DYNC2H1: variants seen among roughly 807,000 people sequenced by gnomAD.
The protein encoded by DYNC2H1 is dynein cytoplasmic 2 heavy chain 1.
A neutral mutation model predicts 570.0 loss-of-function variants in DYNC2H1; 410 were observed. The ratio of observed to expected loss-of-function variants is 0.72; its 90% CI spans 0.66 to 0.78. DYNC2H1 has a LOEUF of 0.78. Among genes scored for constraint, DYNC2H1 ranks in the 30% least tolerant of loss-of-function variants. DYNC2H1 has a pLI of 0.00. For missense variants in DYNC2H1, 4,865 were observed against 5,046.4 expected (o/e 0.96, Z 1.09); for synonymous variants, 1,688 against 1,677.6 (o/e 1.01, Z -0.15).
Position 103,375,018 on chromosome 11 carries a change from G to C in DYNC2H1, c.12156+16659G>C, listed in dbSNP as rs543564411. On this transcript the variant is annotated intron_variant, in intron 83 of 88. Transcript: ENST00000375735. Reference sequence around the variant, plus strand: ...GGCCAGGGGCCTAGGAGAGAAAAATGGTTTCTTGGGCCAGGTCTAAGGCCC... The same window carrying C: ...GGCCAGGGGCCTAGGAGAGAAAAATCGTTTCTTGGGCCAGGTCTAAGGCCC... Among the ~76,000 whole-genome samples the C allele has an allele frequency of 4.6e-5, 7 of 152,294 alleles. No homozygotes were observed. In the South Asian group the frequency reaches 1.4e-3, roughly 32 times the overall value.
rs897509843 is a variant in DYNC2H1 at position 103,151,818 on chromosome 11, G to T, written c.2947-318G>T. On this transcript the variant is annotated intron_variant, in intron 20 of 88. Coordinates refer to ENST00000375735, the MANE Select transcript of DYNC2H1 (RefSeq NM_001377.3). This position sits in a 1 kb window ranked among gnomAD's most constrained non-coding sequence, Gnocchi z 4.6. ...CTTGTGAATGGACCATTTATAATAA[G>T]AACTTTACTTTGATAAACTGTAGTA... Among the ~76,000 whole-genome samples, 1 of 152,014 alleles carries T rather than the reference G, an allele frequency of 6.6e-6. No individual in the cohort carries two copies. Among genetic ancestry groups the T allele is most frequent in the African/African-American group, 2.4e-5 (1 of 41,398 alleles).
intron 83 of DYNC2H1, among the ~76,000 whole-genome samples, chr11:103,362,414 G>C (rs1319061634): frequency 1.6e-5 from 2 of 126,860 alleles, no homozygotes; most frequent in Admixed American, 1.9e-4. Flanking sequence ...ATCTTGCCTT[G>C]CTTTTCTGTC....
In DYNC2H1 at chr11:103,326,179, A is replaced by G. The variant is rs1187402445; in HGVS notation, c.12039+2189A>G. Among the ~76,000 whole-genome samples the G allele has an allele frequency of 6.6e-6, 1 of 152,020 alleles. No individual in the cohort carries two copies. Among genetic ancestry groups the G allele is most frequent in the Non-Finnish European group, 1.5e-5 (1 of 68,000 alleles). ...GTGGCTGGTAGATAGGCTCTTACTT[A>G]GCCCTGTGGTTTTTTTGTTATTTCC... On this transcript the variant is annotated intron_variant, in intron 82 of 88. Transcript: ENST00000375735. The surrounding 1 kb of genome is among the most constrained non-coding windows in gnomAD (Gnocchi z 6.1).
intron 83 of DYNC2H1, among the ~76,000 whole-genome samples, chr11:103,398,190 AAATTTTATTTG>A (rs1450255354): frequency 5.3e-5 from 8 of 152,230 alleles, no homozygotes; most frequent in Non-Finnish European, 7.3e-5. Flanking sequence ...TCTATAAGTC[AAATTTTATTTG>A]AATTTTATTA....
intron 63 of DYNC2H1, among the ~76,000 whole-genome samples, chr11:103,238,337 G>A (rs186168992): frequency 0.012 from 1,794 of 152,220 alleles, 22 homozygotes; most frequent in Middle Eastern, 0.085. Context: ...TGGGAGGCAA[G>A]GCGGGTGGAT....
At chr11:103,210,076 A>G (rs1042776267) in intron 53 of DYNC2H1, 116 bp downstream of exon 53, 3 of 1,193,572 alleles carry the variant, frequency 2.5e-6, no homozygotes, top group African/African-American at 1.6e-5. Flanking sequence ...TGCTAAGTGT[A>G]ACAAAATTAG....
rs1445717597 is a variant in DYNC2H1 at position 103,289,196 on chromosome 11, A to C, written c.11095+1591A>C. Among the ~76,000 whole-genome samples the C allele has an allele frequency of 6.6e-6, 1 of 152,140 alleles. No homozygotes were observed. Among genetic ancestry groups the C allele is most frequent in the Admixed American group, 6.5e-5 (1 of 15,276 alleles). On this transcript the variant is annotated intron_variant, in intron 75 of 88. Transcript: ENST00000375735. The surrounding 1 kb of genome is among the most constrained non-coding windows in gnomAD (Gnocchi z 4.2). ...CCACTTCCTAAGCCCCTACTCACCA[A>C]ATCGTCTTTAAAAACTCTGATCCTG... is the stretch of plus-strand genomic sequence containing the variant.
chr11:103,448,165 T>G (rs1256076875), intron 85 of DYNC2H1, among the ~76,000 whole-genome samples: 3 of 152,132 alleles, frequency 2.0e-5, no homozygotes, highest in Non-Finnish European at 4.4e-5. Flanking sequence ...AATTAGGATA[T>G]TACGTTTAAG....
chr11:103,222,251 C>A, intron 58 of DYNC2H1, 98 bp downstream of exon 58: 3 of 856,846 alleles, frequency 3.5e-6, no homozygotes, highest in Non-Finnish European at 3.3e-6. Flanking sequence ...GTTTAGATCA[C>A]CTAAAAATGA....
In DYNC2H1 at chr11:103,280,698, C is replaced by G. The variant is rs1211772670; in HGVS notation, c.10761+285C>G. 6.6e-6 allele frequency among the ~76,000 whole-genome samples: 1 copy of G among 152,074 alleles called. No individual in the cohort carries two copies. Among genetic ancestry groups the G allele is most frequent in the Non-Finnish European group, 1.5e-5 (1 of 67,976 alleles). ...TTAGGGCAACAGAAGAGTCAGCCTT[C>G]TTCTTTTCCCGGCCTAGGTAGTAGA... On this transcript the variant is annotated intron_variant, in intron 71 of 88. Transcript: ENST00000375735. The surrounding 1 kb of genome is among the most constrained non-coding windows in gnomAD (Gnocchi z 4.7).
At position 103,245,095 on chromosome 11, in the gene DYNC2H1, G is replaced by A. The variant is rs1864562826; in HGVS notation, c.9919-156G>A. Among the ~76,000 whole-genome samples the A allele has an allele frequency of 6.6e-6, 1 of 151,638 alleles. No individual in the cohort carries two copies. Among genetic ancestry groups the A allele is most frequent in the Non-Finnish European group, 1.5e-5 (1 of 67,892 alleles). The stretch of plus-strand genomic sequence containing the variant: ...TGATTCTGAACATAAGCAGAGTAGG[G>A]TTCTTATTAATACTTGGGTGAGTAA... On this transcript the variant is annotated intron_variant, in intron 64 of 88. Coordinates refer to ENST00000375735, the MANE Select transcript of DYNC2H1 (RefSeq NM_001377.3). The surrounding 1 kb of genome is among the most constrained non-coding windows in gnomAD (Gnocchi z 4.5).
At chr11:103,115,000 G>A (rs1349130110) in intron 3 of DYNC2H1, among the ~76,000 whole-genome samples, 177 bp from the exon 4 acceptor site, 2 of 152,094 alleles carry the variant, frequency 1.3e-5, no homozygotes, top group Non-Finnish European at 2.9e-5. Context: ...GTAGACTTCA[G>A]GAAGGACACT....
chr11:103,163,900 G>C lies in DYNC2H1; in HGVS notation c.4611+753G>C, dbSNP rs1448812988. ...AAAAATGTAGTGGCTATTGGAACAG[G>C]TTTTTATGTTGATTTTCTGTAAGTA... On this transcript the variant is annotated intron_variant, in intron 30 of 88. Coordinates refer to ENST00000375735, the MANE Select transcript of DYNC2H1 (RefSeq NM_001377.3). The surrounding 1 kb of genome is among the most constrained non-coding windows in gnomAD (Gnocchi z 4.6). 1.3e-5 allele frequency among the ~76,000 whole-genome samples: 2 copies of C among 152,210 alleles called. No homozygotes were observed. Among genetic ancestry groups the C allele is most frequent in the Middle Eastern group, 3.4e-3 (1 of 294 alleles).
intron 82 of DYNC2H1, among the ~76,000 whole-genome samples, chr11:103,341,705 C>A (rs746019017): frequency 6.6e-6 from 1 of 152,150 alleles, no homozygotes; most frequent in Non-Finnish European, 1.5e-5. Flanking sequence ...TTTCTAAAAT[C>A]TGGCCCAAAT....
rs980311004 is a variant in DYNC2H1 at position 103,179,022 on chromosome 11, A to G, written c.6140-4A>G. 5 of 1,600,294 alleles carry G rather than the reference A, an allele frequency of 3.1e-6. No homozygotes were observed. The African/African-American group carries it at 6.7e-5, about 21-fold the overall frequency. On this transcript the variant is annotated splice_polypyrimidine_tract_variant and splice_region_variant and intron_variant, in intron 38 of 88. Transcript: ENST00000375735. The stretch of plus-strand genomic sequence containing the variant: ...TTGTCTCCACTGTTTTGATTTGAAA[A>G]TAGATGTCAGCTCATGGATAATCTG...
At chr11:103,159,316 G>T (rs1478733895) in intron 28 of DYNC2H1, among the ~76,000 whole-genome samples, 1 of 151,998 alleles carries the variant, frequency 6.6e-6, no homozygotes, top group South Asian at 2.1e-4. Flanking sequence ...GACATCTAGG[G>T]CGATATCTGA....
intron 36 of DYNC2H1, among the ~76,000 whole-genome samples, chr11:103,175,228 T>C (rs1269829950): frequency 1.3e-5 from 2 of 152,124 alleles, no homozygotes; most frequent in East Asian, 1.9e-4. Flanking sequence ...AGAGACAACA[T>C]AGAAAAAAGG....
At position 103,289,087 on chromosome 11, in the gene DYNC2H1, TC is replaced by T. The variant is rs912939590; in HGVS notation, c.11095+1485del. 1.8e-4 allele frequency among the ~76,000 whole-genome samples: 28 copies of T among 151,994 alleles called. No individual in the cohort carries two copies. Among genetic ancestry groups the T allele is most frequent in the African/African-American group, 6.8e-4 (28 of 41,346 alleles). ...TAATCTGGCTCAACCAATTCTGTGA[TC>T]CCACCCAGGAATAGAAGACAGCAAG... On this transcript the variant is annotated intron_variant, in intron 75 of 88. Transcript: ENST00000375735. This position sits in a 1 kb window ranked among gnomAD's most constrained non-coding sequence, Gnocchi z 4.2.
intron 83 of DYNC2H1, among the ~76,000 whole-genome samples, chr11:103,391,966 T>G (rs1942172109): frequency 6.6e-6 from 1 of 152,214 alleles, no homozygotes. Context: ...GAGGAGGCAG[T>G]CTGTCTGTTC....
Sources: allele counts gnomAD v4.1 joint callset (sites outside exome capture counted in the v4.1 genomes callset), GRCh38; gene constraint gnomAD v4.1.1; non-coding constraint Gnocchi (gnomAD v3.1); transcripts MANE v1.5; gene names NCBI Gene and HGNC (gene_info 2026-07-23, HGNC 2026-07-21).